ANTXR1: variants seen among roughly 807,000 people sequenced by gnomAD.
The protein encoded by ANTXR1 is ANTXR cell adhesion molecule 1.
A neutral mutation model predicts 78.1 loss-of-function variants in ANTXR1; 19 were observed. That is an observed-to-expected ratio of 0.24 (90% CI 0.17 to 0.36). The LOEUF is 0.36. ANTXR1 is among the 10% of genes least tolerant of loss of function. ANTXR1 has a pLI of 1.00. For missense variants in ANTXR1, 518 were observed against 718.6 expected (o/e 0.72, Z 3.19); for synonymous variants, 273 against 260.5 (o/e 1.05, Z -0.46).
chr2:69,215,823 T>G (rs1387422496), intron 17 of ANTXR1, among the ~76,000 whole-genome samples: 2 of 152,272 alleles, frequency 1.3e-5, no homozygotes, highest in African/African-American at 2.4e-5. Flanking sequence ...TCTCCCATTC[T>G]TCTTCAAATT....
Position 69,245,705 on chromosome 2 carries a change from T to C in ANTXR1, c.*220T>C, listed in dbSNP as rs1406057214. The stretch of plus-strand genomic sequence containing the variant: ...GATGAGGCAACTACAGTCAGATTTA[T>C]AGCCAGCCATCTATCACCTCTAGAA... On this transcript the variant is annotated 3_prime_UTR_variant, in exon 18 of 18. Transcript: ENST00000303714. The C allele has an allele frequency of 1.7e-6, 1 of 574,570 alleles. No homozygotes were observed. Among genetic ancestry groups the C allele is most frequent in the Non-Finnish European group, 3.0e-6 (1 of 332,628 alleles). 35.6% of individuals were successfully genotyped at this position (574,570 alleles called of 1,614,324 possible).
At chr2:69,152,973 T>C (rs1283196819) in intron 13 of ANTXR1, among the ~76,000 whole-genome samples, 1 of 152,134 alleles carries the variant, frequency 6.6e-6, no homozygotes, top group Non-Finnish European at 1.5e-5. Flanking sequence ...CAATTTCTGT[T>C]CCCTGGCCCT....
intron 12 of ANTXR1, among the ~76,000 whole-genome samples, chr2:69,149,722 T>C (rs766109695): frequency 1.8e-4 from 27 of 152,210 alleles, no homozygotes; most frequent in Non-Finnish European, 3.5e-4. Flanking sequence ...TTTGACAAGA[T>C]AGCTTACATC....
At chr2:69,116,293 A>G (rs187311007) in intron 10 of ANTXR1, among the ~76,000 whole-genome samples, 1 of 152,314 alleles carries the variant, frequency 6.6e-6, no homozygotes, top group East Asian at 1.9e-4. Flanking sequence ...TTGGGCAATC[A>G]GTCATCTCCA....
chr2:69,173,773 G>A (rs1156910679), intron 14 of ANTXR1, among the ~76,000 whole-genome samples: 1 of 152,158 alleles, frequency 6.6e-6, no homozygotes, highest in Non-Finnish European at 1.5e-5. Flanking sequence ...ATGGAAAGTG[G>A]GTTATGGCTT....
chr2:69,093,436 C>T (rs1671301626), intron 9 of ANTXR1, among the ~76,000 whole-genome samples: 1 of 152,066 alleles, frequency 6.6e-6, no homozygotes, highest in African/African-American at 2.4e-5. Flanking sequence ...AAAAAGTAAA[C>T]AATATCCCCT....
chr2:69,112,947 G>A (rs1672032937), intron 10 of ANTXR1, among the ~76,000 whole-genome samples: 1 of 152,158 alleles, frequency 6.6e-6, no homozygotes, highest in Admixed American at 6.5e-5. Context: ...GAGGTAACTA[G>A]GTGGCAAGGT....
chr2:69,193,073 G>A (rs1674578152), intron 16 of ANTXR1, among the ~76,000 whole-genome samples: 1 of 152,138 alleles, frequency 6.6e-6, no homozygotes, highest in Non-Finnish European at 1.5e-5. Flanking sequence ...ATCAAGTTAT[G>A]TTTGCAAACT....
chr2:69,147,405 T>C (rs1573932680), intron 12 of ANTXR1, among the ~76,000 whole-genome samples: 1 of 152,326 alleles, frequency 6.6e-6, no homozygotes, highest in East Asian at 1.9e-4. Context: ...GGTAGTTGAT[T>C]AAGACTCCAA....
intron 14 of ANTXR1, 82 bp downstream of exon 14, chr2:69,170,371 GC>G: frequency 1.3e-6 from 2 of 1,505,848 alleles, no homozygotes; most frequent in Non-Finnish European, 1.8e-6. Flanking sequence ...TGGACACTTA[GC>G]CCCCTGCAGA....
chr2:69,056,277 C>T (rs1670065989), intron 3 of ANTXR1, among the ~76,000 whole-genome samples: 1 of 152,176 alleles, frequency 6.6e-6, no homozygotes, highest in African/African-American at 2.4e-5. Flanking sequence ...ATCCACATTT[C>T]TACCTCTGAA....
intron 17 of ANTXR1, among the ~76,000 whole-genome samples, chr2:69,240,553 G>A (rs1675871037): frequency 6.6e-6 from 1 of 152,184 alleles, no homozygotes; most frequent in Admixed American, 6.5e-5. Flanking sequence ...ATTTTGAGCT[G>A]GAGAGTGAAT....
At chr2:69,209,351 G>T (rs1674983726) in intron 17 of ANTXR1, among the ~76,000 whole-genome samples, 1 of 152,214 alleles carries the variant, frequency 6.6e-6, no homozygotes, top group African/African-American at 2.4e-5. Context: ...TGACACAGTT[G>T]TTCCCATTCC....
intron 3 of ANTXR1, among the ~76,000 whole-genome samples, chr2:69,062,059 T>G (rs1432652185): frequency 6.6e-6 from 1 of 152,184 alleles, no homozygotes; most frequent in Non-Finnish European, 1.5e-5. Flanking sequence ...CAGAGAAGGT[T>G]CTGCAGAAGC....
intron 17 of ANTXR1, among the ~76,000 whole-genome samples, chr2:69,242,169 A>G (rs998173400): frequency 2.0e-5 from 3 of 152,076 alleles, no homozygotes; most frequent in Non-Finnish European, 4.4e-5. Context: ...CTTTGCCTCC[A>G]CCATCACCAT....
chr2:69,043,646 A>C (rs1028470582), intron 2 of ANTXR1, among the ~76,000 whole-genome samples: 19 of 152,210 alleles, frequency 1.2e-4, no homozygotes, highest in African/African-American at 4.6e-4. Context: ...ACCATGTGGT[A>C]ATAAATGCAG....
intron 8 of ANTXR1, among the ~76,000 whole-genome samples, chr2:69,078,052 G>T (rs2104236702): frequency 6.6e-6 from 1 of 152,266 alleles, no homozygotes; most frequent in East Asian, 1.9e-4. Flanking sequence ...AAATACATGG[G>T]CTCCAGTGTT....
chr2:69,137,426 T>G (rs749540462), intron 12 of ANTXR1, among the ~76,000 whole-genome samples: 5 of 152,168 alleles, frequency 3.3e-5, no homozygotes, highest in African/African-American at 9.7e-5. Context: ...ATGACCAATG[T>G]GTCCATTTAT....
intron 17 of ANTXR1, among the ~76,000 whole-genome samples, chr2:69,214,634 T>G (rs1408488786): frequency 6.6e-6 from 1 of 152,216 alleles, no homozygotes; most frequent in Non-Finnish European, 1.5e-5. Flanking sequence ...CATTTTGCTC[T>G]TCTCCTCCTA....
Sources: allele counts gnomAD v4.1 joint callset (sites outside exome capture counted in the v4.1 genomes callset), GRCh38; gene constraint gnomAD v4.1.1; transcripts MANE v1.5; gene names NCBI Gene and HGNC (gene_info 2026-07-23, HGNC 2026-07-21).